Variants in GAB2 observed in about 807,000 individuals in gnomAD.
The protein encoded by GAB2 is GRB2 associated binding protein 2.
In GAB2, 26 loss-of-function variants were observed where a neutral mutation model predicts 65.5. That is an observed-to-expected ratio of 0.40 (90% CI 0.29 to 0.55). GAB2 has a LOEUF of 0.55. Ranked by LOEUF, GAB2 falls within the 20% of genes least tolerant of loss-of-function variation. The probability of loss-of-function intolerance (pLI) is 0.53; values close to 1 mark genes in which losing one functional copy is unlikely to be tolerated. For missense variants in GAB2, 884 were observed against 875.8 expected (o/e 1.01, Z -0.12); for synonymous variants, 321 against 329.6 (o/e 0.97, Z 0.28).
In GAB2 at chr11:78,364,900, A is replaced by AAT. The variant is rs557790864; in HGVS notation, c.75+52744_75+52745dup. Among the ~76,000 whole-genome samples, 1,349 of 151,954 alleles carry AAT rather than the reference A, an allele frequency of 8.9e-3. 6 individuals carry two copies. Among genetic ancestry groups the AAT allele is most frequent in the African/African-American group, 0.019 (767 of 41,432 alleles). ...TCCCAGGTAATAGCACCTTTTTAAA[A>AAT]ATATATATATATACGTCTATATAGT... On this transcript the variant is annotated intron_variant, in intron 1 of 9. Coordinates refer to ENST00000361507, the MANE Select transcript of GAB2 (RefSeq NM_080491.3).
intron 1 of GAB2, among the ~76,000 whole-genome samples, chr11:78,379,704 T>C (rs900025164): frequency 6.6e-6 from 1 of 152,250 alleles, no homozygotes; most frequent in African/African-American, 2.4e-5. Context: ...TGTCATTGCC[T>C]GCACAAGAGT....
intron 1 of GAB2, among the ~76,000 whole-genome samples, chr11:78,297,607 G>A (rs1866871123): frequency 6.6e-6 from 1 of 152,086 alleles, no homozygotes; most frequent in Non-Finnish European, 1.5e-5. Flanking sequence ...GCGAGCTTGG[G>A]TTATGGGAGA....
intron 1 of GAB2, among the ~76,000 whole-genome samples, chr11:78,322,939 A>G (rs992922370): frequency 6.6e-6 from 1 of 152,206 alleles, no homozygotes; most frequent in African/African-American, 2.4e-5. Context: ...AAATAGAACT[A>G]CCATTCAACT....
chr11:78,268,777 A>T (rs988190544), intron 2 of GAB2, among the ~76,000 whole-genome samples: 4 of 151,078 alleles, frequency 2.6e-5, no homozygotes, highest in Admixed American at 6.6e-5. Flanking sequence ...ATGAAGACTT[A>T]GAACGAAGAG....
In GAB2 at chr11:78,403,468, C is replaced by T. The variant is rs1463300105; in HGVS notation, c.75+14178G>A. Among the ~76,000 whole-genome samples, 4 of 152,062 alleles carry T rather than the reference C, an allele frequency of 2.6e-5. No individual in the cohort carries two copies. In the East Asian group the frequency reaches 7.7e-4, roughly 29 times the overall value. Reference sequence around the variant, plus strand: ...ACAGAAGTCACCTTTGACAAAGGTGCCAAGAACATACACTGGAAAAAGTGC... The same window carrying T: ...ACAGAAGTCACCTTTGACAAAGGTGTCAAGAACATACACTGGAAAAAGTGC... On this transcript the variant is annotated intron_variant, in intron 1 of 9. Coordinates refer to ENST00000361507, the MANE Select transcript of GAB2 (RefSeq NM_080491.3).
At chr11:78,378,314 T>G (rs1366868979) in intron 1 of GAB2, among the ~76,000 whole-genome samples, 2 of 152,206 alleles carry the variant, frequency 1.3e-5, no homozygotes, top group African/African-American at 4.8e-5. Context: ...CATTAAAATA[T>G]GATTGTGTGC....
intron 1 of GAB2, among the ~76,000 whole-genome samples, chr11:78,361,492 A>G (rs998505726): frequency 6.6e-6 from 1 of 152,202 alleles, no homozygotes; most frequent in African/African-American, 2.4e-5. Context: ...ATATTTCGCT[A>G]AAATTCACAA....
intron 1 of GAB2, among the ~76,000 whole-genome samples, chr11:78,404,229 G>T (rs917778889): frequency 6.6e-6 from 1 of 152,170 alleles, no homozygotes; most frequent in Non-Finnish European, 1.5e-5. Flanking sequence ...TTTAAAAAAT[G>T]TGGTACATAT....
chr11:78,302,013 G>A lies in GAB2; in HGVS notation c.76-21112C>T, dbSNP rs1054579130. ...TGTAGTAGAATGAAACTGGATCCTC[G>A]TCTCTCACCTTATATAAAAATCAAC... On this transcript the variant is annotated intron_variant, in intron 1 of 9. Coordinates refer to ENST00000361507, the MANE Select transcript of GAB2 (RefSeq NM_080491.3). Among the ~76,000 whole-genome samples the A allele has an allele frequency of 9.2e-5, 14 of 152,158 alleles. No homozygotes were observed. In the South Asian group the frequency reaches 1.5e-3, roughly 16 times the overall value.
intron 2 of GAB2, among the ~76,000 whole-genome samples, chr11:78,269,182 A>G (rs1376413329): frequency 2.0e-5 from 3 of 152,050 alleles, no homozygotes; most frequent in African/African-American, 7.2e-5. Flanking sequence ...GTCAGTCTCC[A>G]CTCTGTTCTT....
At chr11:78,334,183 T>C (rs1389538300) in intron 1 of GAB2, among the ~76,000 whole-genome samples, 1 of 152,216 alleles carries the variant, frequency 6.6e-6, no homozygotes, top group Non-Finnish European at 1.5e-5. Context: ...AAGCATGCAA[T>C]GTGTAATAAT....
intron 1 of GAB2, among the ~76,000 whole-genome samples, chr11:78,360,061 G>A (rs1283259012): frequency 2.6e-5 from 4 of 152,192 alleles, no homozygotes; most frequent in Non-Finnish European, 5.9e-5. Context: ...GGAAGAGACA[G>A]TGTGACCATG....
intron 2 of GAB2, among the ~76,000 whole-genome samples, chr11:78,258,897 G>A (rs1352449567): frequency 1.3e-5 from 2 of 151,974 alleles, no homozygotes; most frequent in Admixed American, 6.6e-5. Context: ...TTAGGTTCAG[G>A]GGTACACGTG....
At position 78,262,332 on chromosome 11, in the gene GAB2, A is replaced by G. The variant is rs117046754; in HGVS notation, c.377-11932T>C. ...GAGTTCTAATTTGTAAAATTTATAA[A>G]ACAGCTACCTGAAGAATTGTTCTGG... On this transcript the variant is annotated intron_variant, in intron 2 of 9. Coordinates refer to ENST00000361507, the MANE Select transcript of GAB2 (RefSeq NM_080491.3). 9.4e-3 allele frequency among the ~76,000 whole-genome samples: 1,438 copies of G among 152,338 alleles called. 14 individuals carry two copies. The highest frequency in any genetic ancestry group is 0.016 in the Non-Finnish European group (1,092 of 68,026).
intron 3 of GAB2, among the ~76,000 whole-genome samples, chr11:78,243,961 A>G (rs900144845): frequency 8.5e-5 from 13 of 152,244 alleles, no homozygotes; most frequent in African/African-American, 3.1e-4. Context: ...CCCAAAAGAA[A>G]TAGAAAATCT....
At chr11:78,243,946 T>C (rs1865217785) in intron 3 of GAB2, among the ~76,000 whole-genome samples, 1 of 152,062 alleles carries the variant, frequency 6.6e-6, no homozygotes, top group Non-Finnish European at 1.5e-5. Context: ...CTTACCAAGA[T>C]TGAACCCAAA....
intron 1 of GAB2, among the ~76,000 whole-genome samples, chr11:78,401,389 G>A (rs1186808307): frequency 2.0e-5 from 3 of 152,184 alleles, no homozygotes; most frequent in Non-Finnish European, 4.4e-5. Flanking sequence ...GAATCATACA[G>A]TATTTGTCCT....
chr11:78,225,180 C>G lies in GAB2; in HGVS notation c.1230G>C (p.Glu410Asp). The change falls in exon 5 of 10, where the codon GAG (glutamate) becomes GAC (aspartate). Residue 410 changes from glutamate (E) to aspartate (D), a missense_variant. Transcript: ENST00000361507. Reference sequence around the variant, plus strand: ...CACTCTCTCCACCACGCTGTGGGTACTCGTAGGTCTCACAGGAAGAAGCTG... The same window carrying G: ...CACTCTCTCCACCACGCTGTGGGTAGTCGTAGGTCTCACAGGAAGAAGCTG... Reference protein sequence around the residue: ...LHRASSCETYEYPQRGGESAG... With the variant: ...LHRASSCETYDYPQRGGESAG... The G allele has an allele frequency of 6.2e-7, 1 of 1,611,846 alleles. No individual in the cohort carries two copies. The highest frequency in any genetic ancestry group is 8.5e-7 in the Non-Finnish European group (1 of 1,177,912).
intron 1 of GAB2, among the ~76,000 whole-genome samples, chr11:78,296,601 AAAG>A (rs1866836146): frequency 6.6e-6 from 1 of 152,170 alleles, no homozygotes; most frequent in African/African-American, 2.4e-5. Context: ...GATATATGAC[AAAG>A]AAGACACTTG....
Sources: allele counts gnomAD v4.1 joint callset (sites outside exome capture counted in the v4.1 genomes callset), GRCh38; gene constraint gnomAD v4.1.1; transcripts MANE v1.5; gene names NCBI Gene and HGNC (gene_info 2026-07-23, HGNC 2026-07-21).